Variants in RERE observed in about 807,000 individuals in gnomAD.
RERE encodes the protein arginine-glutamic acid dipeptide repeats, also known as arginine-glutamic acid dipeptide repeats protein.
RERE carries 40 observed loss-of-function variants against 146.1 expected under a neutral mutation model. That is an observed-to-expected ratio of 0.27 (90% CI 0.21 to 0.36). The LOEUF (loss-of-function observed/expected upper bound fraction) is 0.36, where lower values mean the gene tolerates loss of function less well. Ranked by LOEUF, RERE falls within the 10% of genes least tolerant of loss-of-function variation. RERE has a pLI of 1.00. For missense variants in RERE, 1,933 were observed against 2,138.7 expected (o/e 0.90, Z 1.90); for synonymous variants, 1,003 against 866.0 (o/e 1.16, Z -2.78).
At chr1:8,733,104 A>G (rs1159822852) in intron 1 of RERE, among the ~76,000 whole-genome samples, 1 of 152,066 alleles carries the variant, frequency 6.6e-6, no homozygotes, top group Non-Finnish European at 1.5e-5. Context: ...TACAGGCGTG[A>G]GCCACCACGC....
intron 11 of RERE, chr1:8,425,096 G>A (rs1643991583): frequency 6.6e-6 from 1 of 152,276 alleles, no homozygotes; most frequent in Non-Finnish European, 1.5e-5. Flanking sequence ...TGTGGCCTAA[G>A]TGTAGATTAG....
chr1:8,733,369 T>A (rs1465164518), intron 1 of RERE, among the ~76,000 whole-genome samples: 1 of 152,204 alleles, frequency 6.6e-6, no homozygotes, highest in Non-Finnish European at 1.5e-5. Context: ...AACATTTTCA[T>A]GAGAACTGTG....
At chr1:8,816,001 A>C (rs1489186796) in intron 1 of RERE, among the ~76,000 whole-genome samples, 2 of 152,174 alleles carry the variant, frequency 1.3e-5, no homozygotes, top group East Asian at 3.8e-4. Context: ...TAACTCAGCA[A>C]GCAAATCCAT....
Position 8,360,767 on chromosome 1 carries a change from G to A in RERE, c.2740C>T (p.Arg914Trp), listed in dbSNP as rs745616537. 8.1e-6 allele frequency: 13 copies of A among 1,597,868 alleles called. No individual in the cohort carries two copies. Among genetic ancestry groups the A allele is most frequent in the African/African-American group, 1.3e-5 (1 of 74,714 alleles). ...GGCGCTGGTGGCAGGGGCTGCTCCC[G>A]TGGAGGCTGTTGGGACTGCAGCGCT... ...QSALQSQQPP[R>W]EQPLPPAPLA... The change falls in exon 18 of 23, where the codon CGG (arginine) becomes TGG (tryptophan). Residue 914 changes from arginine to tryptophan, a missense_variant. Around this residue, in one of 11 missense-constraint regions of RERE, gnomAD observed 1,255 missense variants for 1,153.8 expected, o/e 1.09. Transcript: ENST00000400908.
chr1:8,390,897 C>G (rs763990906), intron 12 of RERE, among the ~76,000 whole-genome samples: 3 of 152,096 alleles, frequency 2.0e-5, no homozygotes, highest in Non-Finnish European at 4.4e-5. Flanking sequence ...TGATTCAACA[C>G]CAAATCTCAC....
intron 4 of RERE, among the ~76,000 whole-genome samples, chr1:8,575,777 C>A (rs962003721): frequency 4.0e-5 from 6 of 151,732 alleles, no homozygotes; most frequent in African/African-American, 1.5e-4. Flanking sequence ...CAGAAGGAAC[C>A]AAAATTGTGC....
intron 4 of RERE, among the ~76,000 whole-genome samples, chr1:8,611,469 A>C (rs1045737985): frequency 1.1e-4 from 17 of 152,174 alleles, no homozygotes; most frequent in African/African-American, 4.1e-4. Context: ...ATGCCACTGC[A>C]CTCCAGCCTG....
chr1:8,754,208 T>TC (rs1640591956), intron 1 of RERE, among the ~76,000 whole-genome samples: 1 of 151,270 alleles, frequency 6.6e-6, no homozygotes, highest in South Asian at 2.1e-4. Context: ...CACTCCCAAT[T>TC]CCTTTTTTTT....
chr1:8,438,741 G>C (rs1039262924), intron 11 of RERE, among the ~76,000 whole-genome samples: 1 of 151,678 alleles, frequency 6.6e-6, no homozygotes, highest in Non-Finnish European at 1.5e-5. Context: ...GCGTTTAAAA[G>C]TACTAACTTT....
chr1:8,446,694 T>C (rs1644324419), intron 11 of RERE, among the ~76,000 whole-genome samples: 1 of 152,174 alleles, frequency 6.6e-6, no homozygotes, highest in African/African-American at 2.4e-5. Flanking sequence ...CTTTTCTTTT[T>C]TTTAGAGTCT....
intron 4 of RERE, among the ~76,000 whole-genome samples, chr1:8,610,102 C>G (rs1189793764): frequency 2.6e-5 from 4 of 152,150 alleles, no homozygotes; most frequent in Admixed American, 6.5e-5. Context: ...AACAGCAGAA[C>G]CTTCGCTGTT....
chr1:8,587,744 C>T (rs1012137232), intron 4 of RERE, among the ~76,000 whole-genome samples: 1 of 152,148 alleles, frequency 6.6e-6, no homozygotes, highest in African/African-American at 2.4e-5. Context: ...TTTACCAAAC[C>T]AAGCTGGACT....
At chr1:8,522,262 G>C (rs1645511416) in intron 7 of RERE, among the ~76,000 whole-genome samples, 1 of 152,176 alleles carries the variant, frequency 6.6e-6, no homozygotes, top group South Asian at 2.1e-4. Context: ...TATTCCTTTA[G>C]CTATTATTTT....
intron 1 of RERE, among the ~76,000 whole-genome samples, chr1:8,687,901 T>C (rs1639126308): frequency 6.6e-6 from 1 of 152,244 alleles, no homozygotes; most frequent in Admixed American, 6.5e-5. Flanking sequence ...TTTAGTTATA[T>C]TCTTATTCAC....
chr1:8,407,173 C>T (rs1643468743), intron 12 of RERE, among the ~76,000 whole-genome samples: 4 of 152,260 alleles, frequency 2.6e-5, no homozygotes, highest in Admixed American at 2.0e-4. Context: ...TAGCATAGAA[C>T]CTTGAAATGA....
chr1:8,622,510 A>AAC (rs56804936), intron 3 of RERE, among the ~76,000 whole-genome samples: 3,956 of 75,148 alleles, frequency 0.053, 207 homozygotes, highest in African/African-American at 0.13. Context: ...AAAAAAAAAA[A>AAC]ACACACTTTG....
intron 1 of RERE, among the ~76,000 whole-genome samples, chr1:8,727,112 C>CT (rs576497678): frequency 7.3e-4 from 111 of 151,592 alleles, no homozygotes; most frequent in African/African-American, 2.6e-3. Flanking sequence ...GCCAACTGAC[C>CT]TTTTTTCAGT....
intron 1 of RERE, among the ~76,000 whole-genome samples, chr1:8,668,013 T>C (rs981311569): frequency 1.3e-5 from 2 of 152,160 alleles, no homozygotes; most frequent in Non-Finnish European, 2.9e-5. Context: ...CAAAAATATC[T>C]CCAGATACTG....
In RERE at chr1:8,358,460, C is replaced by T. The variant is rs570243712; in HGVS notation, c.4075G>A (p.Ala1359Thr). 13 of 1,583,818 alleles carry T rather than the reference C, an allele frequency of 8.2e-6. No homozygotes were observed. Among genetic ancestry groups the T allele is most frequent in the East Asian group, 6.8e-5 (3 of 44,310 alleles). Residue 1359 changes from alanine to threonine, a missense_variant, in exon 20 of 23, where the codon GCC becomes ACC. Ala to Thr is a moderately conservative substitution (Grantham distance 58). This residue lies in a region of RERE where 1,255 missense variants were observed against 1,153.8 expected (regional missense o/e 1.09). Transcript: ENST00000400908. ...AAAGAAGCAAAAGGGTGGGGCCCGG[C>T]GGTCGGGGGGATGGTGAGGGCGCTG... Reference protein sequence around the residue: ...RHSALTIPPTAGPHPFASFHP... With the variant: ...RHSALTIPPTTGPHPFASFHP...
Sources: allele counts gnomAD v4.1 joint callset (sites outside exome capture counted in the v4.1 genomes callset), GRCh38; gene constraint gnomAD v4.1.1; regional missense constraint gnomAD v4.1.1; transcripts MANE v1.5; gene names NCBI Gene and HGNC (gene_info 2026-07-23, HGNC 2026-07-21).